Variants in AMZ2 observed in about 807,000 individuals in gnomAD.
The protein encoded by AMZ2 is archaelysin family metallopeptidase 2.
AMZ2 carries 26 observed loss-of-function variants against 36.7 expected under a neutral mutation model. That is an observed-to-expected ratio of 0.71 (90% confidence interval 0.52 to 0.98). The LOEUF (loss-of-function observed/expected upper bound fraction) is 0.98. Ranked by LOEUF, AMZ2 falls within the 50% of genes least tolerant of loss-of-function variation. The pLI is 0.00. For synonymous variants in AMZ2, 144 were observed against 149.1 expected (o/e 0.97, Z 0.25); for missense variants, 394 against 430.5 (o/e 0.92, Z 0.75).
At position 68,250,814 on chromosome 17, in the gene AMZ2, A is replaced by T. The variant is rs1568377166; in HGVS notation, c.304A>T (p.Ile102Phe). ...TGTAGGCTCTCTAGGAAACACCAGA[A>T]TTATCAGTGAAGAATATATTAAATG... Reference protein sequence around the residue: ...QSIGSLGNTRIISEEYIKWLT... With the variant: ...QSIGSLGNTRFISEEYIKWLT... The change falls in exon 3 of 7, where the codon ATT (isoleucine) becomes TTT (phenylalanine). Residue 102 changes from isoleucine (I) to phenylalanine (F), a missense_variant. By Grantham distance (21) the Ile-to-Phe change is conservative. Transcript: ENST00000359904. 4 of 1,581,540 alleles carry T rather than the reference A, an allele frequency of 2.5e-6. No individual in the cohort carries two copies. The highest frequency in any genetic ancestry group is 3.5e-4 in the Middle Eastern group (2 of 5,646).
chr17:68,242,048 T>C (rs1555734128), intron 1 of AMZ2, among the ~76,000 whole-genome samples: 1 of 151,992 alleles, frequency 6.6e-6, no homozygotes, highest in African/African-American at 2.4e-5. Context: ...CCGGTCCATA[T>C]AGTAATTTTA....
At chr17:68,221,061 G>A (rs548714663) in intron 1 of AMZ2, among the ~76,000 whole-genome samples, 26 of 152,064 alleles carry the variant, frequency 1.7e-4, no homozygotes, top group Admixed American at 1.2e-3. Context: ...TAGGATTACA[G>A]GCGTGAGCCA....
intron 1 of AMZ2, among the ~76,000 whole-genome samples, chr17:68,229,623 A>C (rs1208321790): frequency 6.6e-6 from 1 of 152,206 alleles, no homozygotes; most frequent in African/African-American, 2.4e-5. Flanking sequence ...GAATTTAAAC[A>C]GGGGATACTG....
chr17:68,217,570 C>G (rs1244840905), intron 1 of AMZ2, among the ~76,000 whole-genome samples: 1 of 152,110 alleles, frequency 6.6e-6, no homozygotes, highest in Non-Finnish European at 1.5e-5. Flanking sequence ...GATTTTACAT[C>G]TTTTATGAAA....
chr17:68,227,972 A>T (rs2073558395), intron 1 of AMZ2, among the ~76,000 whole-genome samples: 1 of 151,980 alleles, frequency 6.6e-6, no homozygotes, highest in Non-Finnish European at 1.5e-5. Flanking sequence ...CAGGGTGTGG[A>T]TATATTTTGG....
chr17:68,238,224 T>A (rs1404544828), intron 1 of AMZ2, among the ~76,000 whole-genome samples: 4 of 152,124 alleles, frequency 2.6e-5, no homozygotes, highest in African/African-American at 7.2e-5. Context: ...CTTCTTTTTT[T>A]AAATAGAAAT....
chr17:68,234,538 A>T (rs1275951725), intron 1 of AMZ2, among the ~76,000 whole-genome samples: 4 of 152,028 alleles, frequency 2.6e-5, no homozygotes, highest in Non-Finnish European at 4.4e-5. Flanking sequence ...AGGTGGGAGG[A>T]TTGCTTGAGC....
At chr17:68,206,428 A>G (rs368324593) in intron 1 of AMZ2, 1 of 382,582 alleles carries the variant, frequency 2.6e-6, no homozygotes, top group Non-Finnish European at 4.0e-6. Context: ...GCGCATTGTT[A>G]AAAATGGAGA....
At chr17:68,209,027 A>G (rs1361356633) in intron 1 of AMZ2, among the ~76,000 whole-genome samples, 4 of 152,190 alleles carry the variant, frequency 2.6e-5, no homozygotes, top group African/African-American at 4.8e-5. Context: ...AATGCTGGAC[A>G]CTAACATAAA....
In AMZ2 at chr17:68,250,897, A is replaced by T; in HGVS notation, c.387A>T (p.Pro129=). 1 of 1,610,682 alleles carries T rather than the reference A, an allele frequency of 6.2e-7. No homozygotes were observed. The highest frequency in any genetic ancestry group is 8.5e-7 in the Non-Finnish European group (1 of 1,179,268). ...FYGLRVKLLE[P]VPVSVTRCSF... is the part of the protein sequence containing the mutation. ...GCTTGAGAGTAAAACTCCTAGAACCAGTTCCTGTTTCTGTAACAAGATGTT... is the reference window on the plus strand; with the variant it reads ...GCTTGAGAGTAAAACTCCTAGAACCTGTTCCTGTTTCTGTAACAAGATGTT... Residue 129 remains proline, a synonymous_variant, in exon 3 of 7, where the codon CCA becomes CCT. Transcript: ENST00000359904.
chr17:68,219,385 T>C (rs1359751802), intron 1 of AMZ2, among the ~76,000 whole-genome samples: 10 of 152,216 alleles, frequency 6.6e-5, no homozygotes, highest in Non-Finnish European at 1.5e-4. Context: ...ACATGGCAAA[T>C]CCTACTCATC....
chr17:68,222,623 T>G (rs2073396881), intron 1 of AMZ2, among the ~76,000 whole-genome samples: 1 of 152,244 alleles, frequency 6.6e-6, no homozygotes, highest in African/African-American at 2.4e-5. Flanking sequence ...CGGTCCCATC[T>G]GGGCTTGATG....
chr17:68,219,124 C>T (rs1376525872), intron 1 of AMZ2, among the ~76,000 whole-genome samples: 6 of 152,072 alleles, frequency 3.9e-5, no homozygotes, highest in Non-Finnish European at 5.9e-5. Context: ...ATTACAGGTG[C>T]ACCTGGCTAA....
chr17:68,218,123 T>G (rs1291095078), intron 1 of AMZ2, among the ~76,000 whole-genome samples: 2 of 152,118 alleles, frequency 1.3e-5, no homozygotes, highest in Non-Finnish European at 2.9e-5. Flanking sequence ...AAAAAAAGGT[T>G]CTTATACATG....
At chr17:68,256,007 G>T (rs1307422117) in intron 6 of AMZ2, 131 bp downstream of exon 6, 5 of 1,045,414 alleles carry the variant, frequency 4.8e-6, no homozygotes, top group Middle Eastern at 3.3e-4. Flanking sequence ...GCAGGAAGCT[G>T]CGGTTTAAAA....
At chr17:68,222,527 A>G (rs1423624525) in intron 1 of AMZ2, among the ~76,000 whole-genome samples, 3 of 152,148 alleles carry the variant, frequency 2.0e-5, no homozygotes, top group African/African-American at 4.8e-5. Context: ...ATTGTAATAT[A>G]TAATGAAATA....
At chr17:68,230,379 C>T (rs543027091) in intron 1 of AMZ2, among the ~76,000 whole-genome samples, 206 of 152,314 alleles carry the variant, frequency 1.4e-3, no homozygotes, top group African/African-American at 4.9e-3. Flanking sequence ...CGGCCTCCTG[C>T]CCTGTTCTTC....
chr17:68,208,089 G>A (rs577622348), intron 1 of AMZ2, among the ~76,000 whole-genome samples: 1 of 152,314 alleles, frequency 6.6e-6, no homozygotes, highest in South Asian at 2.1e-4. Flanking sequence ...CCATGCCTGA[G>A]CCTCCCCTGC....
chr17:68,220,627 A>T (rs2144538471), intron 1 of AMZ2, among the ~76,000 whole-genome samples: 1 of 152,208 alleles, frequency 6.6e-6, no homozygotes, highest in South Asian at 2.1e-4. Context: ...TGAATTTAAG[A>T]TGCTTCCAGT....
Sources: gnomAD v4.1 joint callset for allele counts (sites outside exome capture counted in the v4.1 genomes callset) on GRCh38, gnomAD v4.1.1 for gene constraint, MANE v1.5 for transcripts, NCBI Gene and HGNC (gene_info 2026-07-23, HGNC 2026-07-21) for gene names.